Variants in PPM1H observed in about 807,000 individuals in gnomAD.
The protein encoded by PPM1H is protein phosphatase, Mg2+/Mn2+ dependent 1H.
PPM1H carries 27 observed loss-of-function variants against 54.9 expected under a neutral mutation model. The ratio of observed to expected loss-of-function variants is 0.49; its 90% CI spans 0.36 to 0.68. The LOEUF is 0.68. PPM1H is among the 30% of genes least tolerant of loss of function. The pLI, the probability that PPM1H is intolerant of heterozygous loss-of-function variation, is 0.00. For missense variants in PPM1H, 596 were observed against 667.8 expected (o/e 0.89, Z 1.19); for synonymous variants, 305 against 270.8 (o/e 1.13, Z -1.24).
chr12:62,740,175 A>G (rs2076373416), intron 4 of PPM1H, among the ~76,000 whole-genome samples: 1 of 152,212 alleles, frequency 6.6e-6, no homozygotes, highest in Non-Finnish European at 1.5e-5. Flanking sequence ...ATTGATAATA[A>G]TCTACATTCA....
intron 1 of PPM1H, among the ~76,000 whole-genome samples, chr12:62,929,299 G>A (rs553819727): frequency 1.2e-3 from 188 of 152,238 alleles, no homozygotes; most frequent in African/African-American, 4.4e-3. Flanking sequence ...TTCATCAATT[G>A]AGAGAAATAA....
At chr12:62,678,045 C>T (rs944314563) in intron 8 of PPM1H, among the ~76,000 whole-genome samples, 4 of 152,180 alleles carry the variant, frequency 2.6e-5, no homozygotes, top group Non-Finnish European at 5.9e-5. Context: ...CAGGCTCAAG[C>T]AATCGATCCT....
intron 4 of PPM1H, among the ~76,000 whole-genome samples, chr12:62,751,417 C>A (rs546532180): frequency 1.2e-4 from 19 of 152,316 alleles, no homozygotes; most frequent in Admixed American, 1.2e-3. Context: ...AATCTCATCA[C>A]ACTCGCTTTC....
chr12:62,658,212 T>TTTTTTTAA (rs768288538), intron 9 of PPM1H, among the ~76,000 whole-genome samples: 1 of 130,530 alleles, frequency 7.7e-6, no homozygotes, highest in African/African-American at 3.0e-5. Context: ...TTTTTTTTTT[T>TTTTTTTAA]AAGTAAAAAA....
intron 8 of PPM1H, among the ~76,000 whole-genome samples, chr12:62,669,969 CTTTT>C (rs1161094944): frequency 1.5e-4 from 7 of 46,426 alleles, no homozygotes; most frequent in East Asian, 1.8e-3. Context: ...GGATTGATTC[CTTTT>C]TTTTTTTTTT....
chr12:62,859,966 G>A (rs1025278741), intron 1 of PPM1H, among the ~76,000 whole-genome samples: 1 of 152,206 alleles, frequency 6.6e-6, no homozygotes, highest in African/African-American at 2.4e-5. Flanking sequence ...AGAGAAAGTA[G>A]GCATGTGTGC....
At chr12:62,850,102 C>T (rs893460778) in intron 1 of PPM1H, among the ~76,000 whole-genome samples, 1 of 152,010 alleles carries the variant, frequency 6.6e-6, no homozygotes, top group Non-Finnish European at 1.5e-5. Context: ...GCTGGAACTA[C>T]TGACGTGAGC....
chr12:62,780,330 C>T (rs1231634102), intron 4 of PPM1H, among the ~76,000 whole-genome samples: 4 of 152,160 alleles, frequency 2.6e-5, no homozygotes, highest in Non-Finnish European at 5.9e-5. Flanking sequence ...GTGACAGGGT[C>T]TCACTCTGTC....
chr12:62,683,469 TGG>T (rs2076034605), intron 8 of PPM1H, among the ~76,000 whole-genome samples: 1 of 152,156 alleles, frequency 6.6e-6, no homozygotes. Flanking sequence ...GGTGCTGGGT[TGG>T]AATTCAGATA....
At chr12:62,829,702 A>G (rs1199142421) in intron 2 of PPM1H, among the ~76,000 whole-genome samples, 1 of 152,158 alleles carries the variant, frequency 6.6e-6, no homozygotes, top group Non-Finnish European at 1.5e-5. Flanking sequence ...ACCACAGGGG[A>G]GGGCCACAGC....
At chr12:62,658,082 T>C (rs370955931) in intron 9 of PPM1H, among the ~76,000 whole-genome samples, 2 of 103,204 alleles carry the variant, frequency 1.9e-5, no homozygotes, top group African/African-American at 7.2e-5. Context: ...AAAAATGAGG[T>C]GGGGCCAGGC....
chr12:62,867,207 C>G (rs1456320777), intron 1 of PPM1H, among the ~76,000 whole-genome samples: 2 of 152,286 alleles, frequency 1.3e-5, no homozygotes, highest in Non-Finnish European at 1.5e-5. Flanking sequence ...CTGACACTTT[C>G]ATCTGTCTGT....
chr12:62,715,447 G>A lies in PPM1H; in HGVS notation c.1073+4724C>T, dbSNP rs966426850. Reference sequence around the variant, plus strand: ...ACTGTGCAAACTATCTGAGGAGAGGGGGAAGGGGAGGTGGGGGAGCCAGGG... The same window carrying A: ...ACTGTGCAAACTATCTGAGGAGAGGAGGAAGGGGAGGTGGGGGAGCCAGGG... On this transcript the variant is annotated intron_variant, in intron 6 of 9. Transcript: ENST00000228705. 3.9e-5 allele frequency among the ~76,000 whole-genome samples: 6 copies of A among 152,034 alleles called. No homozygotes were observed. In the East Asian group the frequency reaches 1.2e-3, roughly 29 times the overall value.
chr12:62,790,040 G>A lies in PPM1H; in HGVS notation c.757-1702C>T, dbSNP rs115334952. On this transcript the variant is annotated intron_variant, in intron 3 of 9. Transcript: ENST00000228705. The stretch of plus-strand genomic sequence containing the variant: ...TACAGGAAGAGGAAGAAACGGTGAC[G>A]TTGATGCTGTTGTTGGCAGATCTAG... 3.8e-3 allele frequency among the ~76,000 whole-genome samples: 582 copies of A among 152,320 alleles called. 3 individuals carry two copies. Among genetic ancestry groups the A allele is most frequent in the African/African-American group, 0.014 (567 of 41,578 alleles).
At chr12:62,729,590 C>T (rs547901714) in intron 5 of PPM1H, among the ~76,000 whole-genome samples, 1 of 152,328 alleles carries the variant, frequency 6.6e-6, no homozygotes, top group African/African-American at 2.4e-5. Context: ...CAAGAAAGAA[C>T]ATTACCAGCA....
At chr12:62,649,526 C>G (rs1294471848) in intron 9 of PPM1H, among the ~76,000 whole-genome samples, 1 of 152,106 alleles carries the variant, frequency 6.6e-6, no homozygotes, top group Non-Finnish European at 1.5e-5. Context: ...CAAACACTGA[C>G]CAGAGCAGAG....
chr12:62,762,820 A>G (rs1010651237), intron 4 of PPM1H, among the ~76,000 whole-genome samples: 1 of 152,176 alleles, frequency 6.6e-6, no homozygotes, highest in African/African-American at 2.4e-5. Context: ...GTGATGAAAT[A>G]AGCTAAAAAT....
chr12:62,801,943 G>A lies in PPM1H; in HGVS notation c.629C>T (p.Ala210Val). ...GGCCCCCACCCCTCCGCGCAGGGAG[G>A]CTGCCCGGGTCAGAGTCCGGCTGTT... ...PANSRTLTRA[A>V]SLRGGVGAPG... The change falls in exon 3 of 10, where the codon GCC becomes GTC. Residue 210 changes from alanine to valine, a missense_variant. Ala to Val is a moderately conservative substitution (Grantham distance 64). Transcript: ENST00000228705. 1 of 1,612,782 alleles carries A rather than the reference G, an allele frequency of 6.2e-7. No homozygotes were observed. The highest frequency in any genetic ancestry group is 8.5e-7 in the Non-Finnish European group (1 of 1,179,216).
At chr12:62,765,676 A>G (rs1395487111) in intron 4 of PPM1H, among the ~76,000 whole-genome samples, 1 of 152,212 alleles carries the variant, frequency 6.6e-6, no homozygotes, top group Non-Finnish European at 1.5e-5. Context: ...AGCAAAAGAA[A>G]TAGAGGGGAG....
Sources: gnomAD v4.1 joint callset for allele counts (sites outside exome capture counted in the v4.1 genomes callset) on GRCh38, gnomAD v4.1.1 for gene constraint, MANE v1.5 for transcripts, NCBI Gene and HGNC (gene_info 2026-07-23, HGNC 2026-07-21) for gene names.